The following AZU1 variants were observed in gnomAD, a reference collection of about 807,000 sequenced individuals.
AZU1 encodes azurocidin.
A neutral mutation model predicts 17.8 loss-of-function variants in AZU1; 21 were observed. That is an observed-to-expected ratio of 1.18 (90% CI 0.84 to 1.70). AZU1 has a LOEUF of 1.70. Ranked by LOEUF, AZU1 falls within the 40% of genes most tolerant of loss-of-function variation. AZU1 has a pLI of 0.00. For missense variants in AZU1, 379 were observed against 362.9 expected (o/e 1.04, Z -0.36); for synonymous variants, 178 against 155.2 (o/e 1.15, Z -1.09).
Position 828,399 on chromosome 19 carries a change from G to A in AZU1, c.215+13G>A, listed in dbSNP as rs201991986. 2.0e-3 allele frequency: 3,204 copies of A among 1,567,744 alleles called. 63 individuals carry two copies. In the African/African-American group the frequency reaches 0.039, roughly 19 times the overall value. ...GCTTCCAAAGCCAGTGAGGGGTCCTGGGGAGGGGGCCTAGGGGGCATTGGG... is the reference window on the plus strand; with the variant it reads ...GCTTCCAAAGCCAGTGAGGGGTCCTAGGGAGGGGGCCTAGGGGGCATTGGG... On this transcript the variant is annotated intron_variant, in intron 2 of 4. Coordinates refer to ENST00000233997, the MANE Select transcript of AZU1 (RefSeq NM_001700.5).
At chr19:831,660 GGGGT>G in intron 4 of AZU1, 52 bp from the exon 5 acceptor site, 1 of 1,508,016 alleles carries the variant, frequency 6.6e-7, no homozygotes, top group African/African-American at 1.4e-5. Flanking sequence ...CTGCAGTTCT[GGGGT>G]GGCGTGGGAG....
chr19:830,791 A>C lies in AZU1; in HGVS notation c.444A>C (p.Arg148Ser). Residue 148 changes from arginine (R) to serine (S), a missense_variant, in exon 4 of 5, where the codon AGA (arginine) becomes AGC (serine). By Grantham distance (110) the Arg-to-Ser change is moderately radical. Transcript: ENST00000233997. ...LQNATVEAGT[R>S]CQVAGWGSQR... is the part of the protein sequence containing the mutation. Reference sequence around the variant, plus strand: ...ACGCCACGGTGGAAGCCGGCACCAGATGCCAGGTGGCCGGCTGGGGGAGCC... The same window carrying C: ...ACGCCACGGTGGAAGCCGGCACCAGCTGCCAGGTGGCCGGCTGGGGGAGCC... 6.2e-7 allele frequency: 1 copy of C among 1,606,230 alleles called. No individual in the cohort carries two copies. Among genetic ancestry groups the C allele is most frequent in the Non-Finnish European group, 8.5e-7 (1 of 1,179,888 alleles).
intron 1 of AZU1, 81 bp downstream of exon 1, chr19:827,985 A>C (rs943819284): frequency 3.4e-5 from 51 of 1,514,542 alleles, no homozygotes; most frequent in Non-Finnish European, 4.4e-5. Context: ...TAAAGCACAG[A>C]GAAGGCAAGC....
At chr19:829,740 C>T (rs777215325) in intron 3 of AZU1, 34 bp downstream of exon 3, 3 of 1,600,420 alleles carry the variant, frequency 1.9e-6, no homozygotes, top group East Asian at 2.2e-5. Flanking sequence ...ATCCCAGCAC[C>T]TCGGGAGGCC....
At chr19:829,281 G>A (rs867952948) in intron 2 of AZU1, among the ~76,000 whole-genome samples, 70 of 148,084 alleles carry the variant, frequency 4.7e-4, no homozygotes, top group African/African-American at 1.8e-3. Flanking sequence ...GAGGGGGTCA[G>A]ATGGAGGAGG....
Position 830,901 on chromosome 19 carries a change from T to C in AZU1, c.554T>C (p.Val185Ala), listed in dbSNP as rs1568293370. ...GAGGACCAGTGTCGCCCCAACAACGTGTGCACCGGTGTGCTCACCCGCCGC... is the reference window on the plus strand; with the variant it reads ...GAGGACCAGTGTCGCCCCAACAACGCGTGCACCGGTGTGCTCACCCGCCGC... ...TPEDQCRPNN[V>A]CTGVLTRRGG... The change falls in exon 4 of 5, where the codon GTG becomes GCG. Residue 185 changes from valine (V) to alanine (A), a missense_variant. By Grantham distance (64) the Val-to-Ala change is moderately conservative. Coordinates refer to ENST00000233997, the MANE Select transcript of AZU1 (RefSeq NM_001700.5). 6.2e-7 allele frequency: 1 copy of C among 1,603,868 alleles called. No homozygotes were observed. The highest frequency in any genetic ancestry group is 8.5e-7 in the Non-Finnish European group (1 of 1,179,868).
rs746263840 is a variant in AZU1, at chr19:831,879, G to A, written c.*2G>A. The A allele has an allele frequency of 3.1e-6, 5 of 1,610,672 alleles. No individual in the cohort carries two copies. In the Admixed American group the frequency reaches 8.4e-5, roughly 27 times the overall value. On this transcript the variant is annotated 3_prime_UTR_variant, in exon 5 of 5. Transcript: ENST00000233997. ...AACCCGGGACCGGGGCCAGCCTAGGGGGGCCTGTGACCTCCCATGGAGCCC... is the reference window on the plus strand; with the variant it reads ...AACCCGGGACCGGGGCCAGCCTAGGAGGGCCTGTGACCTCCCATGGAGCCC...
At position 831,820 on chromosome 19, in the gene AZU1, G is replaced by C; in HGVS notation, c.699G>C (p.Ala233=). Residue 233 remains alanine (A), a synonymous_variant, in exon 5 of 5, where the codon GCG becomes GCC. Coordinates refer to ENST00000233997, the MANE Select transcript of AZU1 (RefSeq NM_001700.5). ...GRGPDFFTRV[A]LFRDWIDGVL... The stretch of plus-strand genomic sequence containing the variant: ...GCCCTGACTTCTTCACCCGAGTGGC[G>C]CTCTTCCGAGACTGGATCGATGGTG... 3 of 1,612,794 alleles carry C rather than the reference G, an allele frequency of 1.9e-6. No individual in the cohort carries two copies. The South Asian group carries it at 3.3e-5, about 18-fold the overall frequency.
rs914464705 is a variant in AZU1 at position 831,939 on chromosome 19, C to T, written c.*62C>T. The T allele has an allele frequency of 3.9e-6, 6 of 1,546,132 alleles. No individual in the cohort carries two copies. Among genetic ancestry groups the T allele is most frequent in the Non-Finnish European group, 5.3e-6 (6 of 1,137,746 alleles). On this transcript the variant is annotated 3_prime_UTR_variant, in exon 5 of 5. Transcript: ENST00000233997. ...CTCCACACCTCCGGCGCTCCGCACC[C>T]ACCTCCCACGGCCCCGCCCCTGCCC...
intron 1 of AZU1, among the ~76,000 whole-genome samples, 163 bp downstream of exon 1, chr19:828,067 G>A (rs1428034603): frequency 1.3e-5 from 2 of 152,252 alleles, no homozygotes; most frequent in South Asian, 2.1e-4. Context: ...GACGGTGTGC[G>A]GGACTCAGGG....
chr19:831,645 G>C, intron 4 of AZU1, 71 bp from the exon 5 acceptor site: 1 of 1,451,884 alleles, frequency 6.9e-7, no homozygotes, highest in Non-Finnish European at 9.2e-7. Context: ...GGCAGCAAGA[G>C]GCCTCTGCAG....
In AZU1 at chr19:830,773, G is replaced by A. The variant is rs141563771; in HGVS notation, c.426G>A (p.Thr142=). 3.2e-5 allele frequency: 52 copies of A among 1,604,418 alleles called. 1 individual carries two copies. Among genetic ancestry groups the A allele is most frequent in the African/African-American group, 3.1e-4 (23 of 74,948 alleles). The change falls in exon 4 of 5, where the codon ACG becomes ACA. Residue 142 remains threonine (T), a synonymous_variant. Coordinates refer to ENST00000233997, the MANE Select transcript of AZU1 (RefSeq NM_001700.5). Reference sequence around the variant, plus strand: ...TGCCACTGCCTCTGCAGAACGCCACGGTGGAAGCCGGCACCAGATGCCAGG... The same window carrying A: ...TGCCACTGCCTCTGCAGAACGCCACAGTGGAAGCCGGCACCAGATGCCAGG... ...TILPLPLQNA[T]VEAGTRCQVA...
chr19:829,715 A>T lies in AZU1; in HGVS notation c.360+9A>T. 3.1e-6 allele frequency: 5 copies of T among 1,612,138 alleles called. No individual in the cohort carries two copies. Among genetic ancestry groups the T allele is most frequent in the Non-Finnish European group, 4.2e-6 (5 of 1,179,122 alleles). Reference sequence around the variant, plus strand: ...ACCTGATGCTGCTTCAGGTGAGAGGATGGTGCCACCTGTGATCCCAGCACC... The same window carrying T: ...ACCTGATGCTGCTTCAGGTGAGAGGTTGGTGCCACCTGTGATCCCAGCACC... On this transcript the variant is annotated intron_variant, in intron 3 of 4. Coordinates refer to ENST00000233997, the MANE Select transcript of AZU1 (RefSeq NM_001700.5).
chr19:829,849 G>A (rs999365903), intron 3 of AZU1, 143 bp downstream of exon 3: 3 of 1,253,252 alleles, frequency 2.4e-6, no homozygotes, highest in Admixed American at 5.2e-5. Flanking sequence ...TGTGCTTCAG[G>A]AGGCCGAGGC....
intron 2 of AZU1, among the ~76,000 whole-genome samples, chr19:829,094 C>T (rs1183706119): frequency 1.7e-4 from 7 of 41,472 alleles, no homozygotes; most frequent in South Asian, 9.3e-4. Flanking sequence ...ATGGGGGAGG[C>T]GCAGAGAAGG....
chr19:830,460 G>T (rs2035273458), intron 3 of AZU1, among the ~76,000 whole-genome samples: 1 of 152,144 alleles, frequency 6.6e-6, no homozygotes. Flanking sequence ...ATTTAAAAAA[G>T]TAGAGACGGG....
Position 830,910 on chromosome 19 carries a change from G to C in AZU1, c.563G>C (p.Gly188Ala), listed in dbSNP as rs764375369. 6.2e-7 allele frequency: 1 copy of C among 1,603,744 alleles called. No homozygotes were observed. Among genetic ancestry groups the C allele is most frequent in the Non-Finnish European group, 8.5e-7 (1 of 1,179,938 alleles). ...DQCRPNNVCT[G>A]VLTRRGGICN... ...TGTCGCCCCAACAACGTGTGCACCG[G>C]TGTGCTCACCCGCCGCGGTGGCATC... The change falls in exon 4 of 5, where the codon GGT becomes GCT. Residue 188 changes from glycine (G) to alanine (A), a missense_variant. Physicochemically the swap from Gly to Ala is moderately conservative, Grantham distance 60. Transcript: ENST00000233997.
chr19:829,530 C>G (rs1296384855), intron 2 of AZU1, 32 bp from the exon 3 acceptor site: 16 of 1,606,318 alleles, frequency 1.0e-5, no homozygotes, highest in Non-Finnish European at 1.4e-5. Context: ...AGCCTGGTGT[C>G]CTCCCTCTGC....
rs144849899 is a variant in AZU1 at position 831,515 on chromosome 19, A to G, written c.595-201A>G. On this transcript the variant is annotated intron_variant, in intron 4 of 4. Coordinates refer to ENST00000233997, the MANE Select transcript of AZU1 (RefSeq NM_001700.5). Reference sequence around the variant, plus strand: ...GGGAGGGGCACCTGGCCCAGCCTGGAGGTGCCAGGAAGCTCCAGAAAGCAA... The same window carrying G: ...GGGAGGGGCACCTGGCCCAGCCTGGGGGTGCCAGGAAGCTCCAGAAAGCAA... The G allele has an allele frequency of 2.8e-4, 164 of 587,230 alleles. No individual in the cohort carries two copies. The African/African-American group carries it at 2.8e-3, about 10-fold the overall frequency. The allele number at this position is 587,230 out of a possible 1,614,324, so 36.4% of individuals were successfully genotyped here.
Sources: gnomAD v4.1 joint callset for allele counts (sites outside exome capture counted in the v4.1 genomes callset) on GRCh38, gnomAD v4.1.1 for gene constraint, MANE v1.5 for transcripts, NCBI Gene and HGNC (gene_info 2026-07-23, HGNC 2026-07-21) for gene names.